Variants in SASH1 observed in about 807,000 individuals in gnomAD.
SASH1 encodes SAM and SH3 domain containing 1.
SASH1 carries 44 observed loss-of-function variants against 125.2 expected under a neutral mutation model. The ratio of observed to expected loss-of-function variants is 0.35; its 90% CI spans 0.28 to 0.45. SASH1 has a LOEUF of 0.45. Ranked by LOEUF, SASH1 falls within the 20% of genes least tolerant of loss-of-function variation. The probability of loss-of-function intolerance (pLI) is 1.00; values close to 1 mark genes in which losing one functional copy is unlikely to be tolerated. For missense variants in SASH1, 1,426 were observed against 1,614.5 expected, an observed-to-expected ratio of 0.88 and a Z score of 2.00; for synonymous variants, 639 against 649.1, an observed-to-expected ratio of 0.98 and a Z score of 0.24.
chr6:148,543,951 CCCCCAGACTGTGGACA>C lies in SASH1; in HGVS notation c.2483_2498del (p.Pro828LeufsTer25). On this transcript the variant is annotated frameshift_variant, in exon 18 of 20. Coordinates refer to ENST00000367467, the MANE Select transcript of SASH1 (RefSeq NM_015278.5). LOFTEE classifies it high-confidence loss of function. ...GCCGGAGCTGTGAGACCCTGGAGGG[CCCCCAGACTGTGGACA>C]CTTGGCCCCGATCCCATTCCCTGGA... The C allele has an allele frequency of 6.2e-7, 1 of 1,614,154 alleles. No homozygotes were observed. Among genetic ancestry groups the C allele is most frequent in the Non-Finnish European group, 8.5e-7 (1 of 1,180,010 alleles).
At chr6:148,447,214 A>G (rs535144389) in intron 4 of SASH1, among the ~76,000 whole-genome samples, 1 of 152,278 alleles carries the variant, frequency 6.6e-6, no homozygotes, top group Non-Finnish European at 1.5e-5. Flanking sequence ...TTTTTTCATT[A>G]TCTGTGGCTA....
intron 1 of SASH1, among the ~76,000 whole-genome samples, chr6:148,323,553 G>A (rs1267196327): frequency 6.6e-6 from 1 of 152,196 alleles, no homozygotes; most frequent in Non-Finnish European, 1.5e-5. Context: ...TTAGCAGTGA[G>A]TAAGACTCCA....
At chr6:148,487,756 G>A (rs773600772) in intron 8 of SASH1, 41 bp downstream of exon 8, 14 of 1,358,360 alleles carry the variant, frequency 1.0e-5, no homozygotes, top group Admixed American at 5.1e-5. Flanking sequence ...CACCTACGCC[G>A]ATAAGGGACA....
chr6:148,537,660 A>G (rs750339471), intron 16 of SASH1, among the ~76,000 whole-genome samples: 1 of 152,206 alleles, frequency 6.6e-6, no homozygotes, highest in Admixed American at 6.5e-5. Context: ...CCTGCTTTCA[A>G]AGAATCCCAT....
chr6:148,409,888 G>A (rs543108968), intron 2 of SASH1, among the ~76,000 whole-genome samples: 34 of 151,868 alleles, frequency 2.2e-4, no homozygotes, highest in African/African-American at 4.8e-4. Flanking sequence ...GCAGTGAGCC[G>A]AGATTGCACC....
chr6:148,219,417 T>C, the SASH1 span, among the ~76,000 whole-genome samples: 160 of 152,290 alleles, frequency 1.1e-3, no homozygotes, highest in African/African-American at 3.6e-3. Flanking sequence ...TCCCCTATGA[T>C]CAAAGTTCAG....
Position 148,443,277 on chromosome 6 carries a change from G to T in SASH1, c.386+2870G>T, listed in dbSNP as rs572868806. On this transcript the variant is annotated intron_variant, in intron 4 of 19. Coordinates refer to ENST00000367467, the MANE Select transcript of SASH1 (RefSeq NM_015278.5). ...TTTGATGAAGTATTTGTTGTTTAGG[G>T]TTTATTTGTTTTTGTGTTTTTTTGC... Among the ~76,000 whole-genome samples, 5 of 151,122 alleles carry T rather than the reference G, an allele frequency of 3.3e-5. No individual in the cohort carries two copies. The East Asian group carries it at 7.8e-4, about 23-fold the overall frequency.
At chr6:148,463,462 C>T (rs762245055) in intron 4 of SASH1, among the ~76,000 whole-genome samples, 1 of 152,082 alleles carries the variant, frequency 6.6e-6, no homozygotes, top group African/African-American at 2.4e-5. Context: ...TTTTGTAAAA[C>T]GGAGTTTAAT....
In SASH1 at chr6:148,533,732, A is replaced by G. The variant is rs753755631; in HGVS notation, c.1735-39A>G. On this transcript the variant is annotated intron_variant, in intron 14 of 19. Coordinates refer to ENST00000367467, the MANE Select transcript of SASH1 (RefSeq NM_015278.5). This position sits in a 1 kb window ranked among gnomAD's most constrained non-coding sequence, Gnocchi z 6.2. ...GATTCTTGATTTGTACGTTCATGGA[A>G]TGTACCTAATGGAAAGATCTTTGCT... The G allele has an allele frequency of 1.9e-6, 3 of 1,549,916 alleles. No homozygotes were observed. The highest frequency in any genetic ancestry group is 2.3e-5 in the East Asian group (1 of 44,374).
chr6:148,286,604 G>C (rs1028687651), intron 1 of SASH1, among the ~76,000 whole-genome samples: 2 of 152,070 alleles, frequency 1.3e-5, no homozygotes, highest in Admixed American at 1.3e-4. Context: ...TTGGCTTGAG[G>C]CTCGCTGTCT....
intron 7 of SASH1, among the ~76,000 whole-genome samples, chr6:148,486,200 A>G (rs1371527325): frequency 5.3e-5 from 8 of 152,062 alleles, no homozygotes; most frequent in Admixed American, 4.6e-4. Flanking sequence ...GGCTCACCGC[A>G]ACCTCTGCCT....
chr6:148,264,552 G>GC, the SASH1 span, among the ~76,000 whole-genome samples: 6 of 152,132 alleles, frequency 3.9e-5, no homozygotes, highest in Non-Finnish European at 7.3e-5. Context: ...CTTCACCATT[G>GC]CCCATGAGGG....
intron 9 of SASH1, among the ~76,000 whole-genome samples, chr6:148,518,725 C>T (rs779452446): frequency 1.3e-4 from 20 of 152,204 alleles, no homozygotes; most frequent in African/African-American, 4.8e-5. Context: ...CACATCTGTT[C>T]ACATAACACA....
chr6:148,244,177 G>C, the SASH1 span, among the ~76,000 whole-genome samples: 1 of 152,116 alleles, frequency 6.6e-6, no homozygotes, highest in Admixed American at 6.5e-5. Flanking sequence ...CCCTTTCCCA[G>C]CTCTAAGCCT....
At chr6:148,426,937 C>A (rs1172729723) in intron 2 of SASH1, among the ~76,000 whole-genome samples, 2 of 151,992 alleles carry the variant, frequency 1.3e-5, no homozygotes, top group Non-Finnish European at 2.9e-5. Context: ...AGTTTGAGAC[C>A]AGCCTGGTCA....
chr6:148,342,182 G>GC (rs1799979775), upstream of SASH1, among the ~76,000 whole-genome samples: 1 of 152,168 alleles, frequency 6.6e-6, no homozygotes, highest in African/African-American at 2.4e-5. Flanking sequence ...GAGCCAAAAT[G>GC]CCCCCACTCA....
chr6:148,242,278 T>C, the SASH1 span, among the ~76,000 whole-genome samples: 11 of 152,296 alleles, frequency 7.2e-5, no homozygotes, highest in African/African-American at 1.4e-4. Flanking sequence ...TGGGAAAATA[T>C]GTGAACGACT....
chr6:148,392,491 A>G (rs1783771755), intron 2 of SASH1, among the ~76,000 whole-genome samples: 1 of 152,182 alleles, frequency 6.6e-6, no homozygotes, highest in African/African-American at 2.4e-5. Context: ...GAGTCCTCTC[A>G]TACAAGGGAC....
chr6:148,198,687 A>G, the SASH1 span, among the ~76,000 whole-genome samples: 1 of 152,260 alleles, frequency 6.6e-6, no homozygotes, highest in Admixed American at 6.5e-5. Flanking sequence ...TTTGAATCAC[A>G]GAAGGCAAGA....
Sources: allele counts gnomAD v4.1 joint callset (sites outside exome capture counted in the v4.1 genomes callset), GRCh38; gene constraint gnomAD v4.1.1; non-coding constraint Gnocchi (gnomAD v3.1); transcripts MANE v1.5; gene names NCBI Gene and HGNC (gene_info 2026-07-23, HGNC 2026-07-21).